SCRG1: variants seen among roughly 807,000 people sequenced by gnomAD.
The protein encoded by SCRG1 is scrapie-responsive protein 1.
Under a neutral mutation model 7.7 loss-of-function variants are expected in SCRG1, and 3 were observed. The ratio of observed to expected loss-of-function variants is 0.39; its 90% CI spans 0.18 to 1.01. The LOEUF (loss-of-function observed/expected upper bound fraction) is 1.01. Among genes scored for constraint, SCRG1 ranks in the 50% least tolerant of loss-of-function variants. The probability of loss-of-function intolerance (pLI) is 0.36; values close to 1 mark genes in which losing one functional copy is unlikely to be tolerated. For missense variants in SCRG1, 110 were observed against 117.2 expected, an observed-to-expected ratio of 0.94 and a Z score of 0.28; for synonymous variants, 46 against 41.2, an observed-to-expected ratio of 1.12 and a Z score of -0.44.
At chr4:173,393,859 A>G (rs929714976) in intron 1 of SCRG1, among the ~76,000 whole-genome samples, 3 of 151,950 alleles carry the variant, frequency 2.0e-5, no homozygotes, top group African/African-American at 7.2e-5. Context: ...CCCTTTCATC[A>G]TTATACTTTC....
chr4:173,477,925 T>C, the SCRG1 span, among the ~76,000 whole-genome samples: 3 of 151,974 alleles, frequency 2.0e-5, no homozygotes, highest in Admixed American at 2.0e-4. Context: ...TGCACCACCA[T>C]ACCCAGGTAA....
At chr4:173,505,145 C>G in the SCRG1 span, among the ~76,000 whole-genome samples, 1 of 152,162 alleles carries the variant, frequency 6.6e-6, no homozygotes, top group Non-Finnish European at 1.5e-5. The surrounding 1 kb of genome is among the most constrained non-coding windows in gnomAD (Gnocchi z 4.4). Context: ...GAATTGCCCC[C>G]TTCACCAGAG....
At chr4:173,452,143 G>A in the SCRG1 span, among the ~76,000 whole-genome samples, 1 of 151,066 alleles carries the variant, frequency 6.6e-6, no homozygotes. Flanking sequence ...GGCTGAGGCG[G>A]GAGAATTGAT....
At chr4:173,486,067 C>A in the SCRG1 span, among the ~76,000 whole-genome samples, 1 of 152,186 alleles carries the variant, frequency 6.6e-6, no homozygotes, top group African/African-American at 2.4e-5. Flanking sequence ...TGCATTCAAA[C>A]TGCATTTTAA....
the SCRG1 span, chr4:173,469,246 AG>A: frequency 6.6e-6 from 1 of 152,220 alleles, no homozygotes; most frequent in African/African-American, 2.4e-5. Context: ...AGAGGGGCAA[AG>A]CAATTTTTCC....
chr4:173,518,928 C>T, the SCRG1 span, among the ~76,000 whole-genome samples: 2 of 151,540 alleles, frequency 1.3e-5, no homozygotes, highest in African/African-American at 4.9e-5. Flanking sequence ...CCCGGCTTCC[C>T]GAGATACGCT....
At chr4:173,430,464 AC>A in the SCRG1 span, among the ~76,000 whole-genome samples, 117 of 152,250 alleles carry the variant, frequency 7.7e-4, no homozygotes, top group Non-Finnish European at 1.3e-3. Context: ...GTAATGTGCC[AC>A]CCAACATGAA....
chr4:173,511,953 T>A, the SCRG1 span, among the ~76,000 whole-genome samples: 20 of 152,252 alleles, frequency 1.3e-4, no homozygotes, highest in East Asian at 3.1e-3. The surrounding 1 kb of genome is among the most constrained non-coding windows in gnomAD (Gnocchi z 5.2). Flanking sequence ...CTGAATACGG[T>A]GCTGTCCAAG....
upstream of SCRG1, chr4:173,399,320 C>T (rs1176220758): frequency 1.3e-5 from 2 of 152,186 alleles, no homozygotes; most frequent in African/African-American, 4.8e-5. Flanking sequence ...TTGTTCCAAA[C>T]CAGGCGAGAA....
the SCRG1 span, among the ~76,000 whole-genome samples, chr4:173,500,669 G>A: frequency 6.6e-6 from 1 of 152,088 alleles, no homozygotes; most frequent in Admixed American, 6.5e-5. Flanking sequence ...ATTTTTTGTA[G>A]AGATGGGGTT....
the SCRG1 span, among the ~76,000 whole-genome samples, chr4:173,499,587 C>G: frequency 6.6e-6 from 1 of 152,202 alleles, no homozygotes; most frequent in African/African-American, 2.4e-5. This position sits in a 1 kb window ranked among gnomAD's most constrained non-coding sequence, Gnocchi z 4.1. Flanking sequence ...AGGGTCTCCC[C>G]CACCCACTAC....
At chr4:173,413,896 A>C in the SCRG1 span, among the ~76,000 whole-genome samples, 50 of 152,266 alleles carry the variant, frequency 3.3e-4, 1 homozygote, top group Admixed American at 1.8e-3. Context: ...TGCACCCCTT[A>C]AGGTTATGCA....
chr4:173,470,206 G>A, the SCRG1 span, among the ~76,000 whole-genome samples: 3 of 143,680 alleles, frequency 2.1e-5, no homozygotes, highest in Non-Finnish European at 4.5e-5. Flanking sequence ...TCATTGGTAA[G>A]CATCTCAATA....
chr4:173,401,866 C>T (rs1739770149), upstream of SCRG1, among the ~76,000 whole-genome samples: 1 of 152,216 alleles, frequency 6.6e-6, no homozygotes, highest in Non-Finnish European at 1.5e-5. Flanking sequence ...CTTATAATTG[C>T]TTGTCATTCA....
the SCRG1 span, among the ~76,000 whole-genome samples, chr4:173,489,583 T>A: frequency 6.6e-6 from 1 of 152,142 alleles, no homozygotes; most frequent in Admixed American, 6.5e-5. Context: ...GATTTCATCC[T>A]AAAATAGTAG....
chr4:173,419,498 T>C, the SCRG1 span: 7 of 777,326 alleles, frequency 9.0e-6, no homozygotes, highest in Non-Finnish European at 1.5e-5. Flanking sequence ...ATTTTCATCT[T>C]CTTCTATTAA....
chr4:173,443,533 A>G, the SCRG1 span, among the ~76,000 whole-genome samples: 1 of 152,196 alleles, frequency 6.6e-6, no homozygotes. Context: ...CTCATGAAAC[A>G]TTTTGGGGGA....
At chr4:173,438,904 C>A in the SCRG1 span, among the ~76,000 whole-genome samples, 2 of 151,952 alleles carry the variant, frequency 1.3e-5, no homozygotes, top group Admixed American at 6.6e-5. Context: ...TGGCTGTTCA[C>A]CAAACTGGGT....
chr4:173,443,348 G>A, the SCRG1 span, among the ~76,000 whole-genome samples: 7 of 152,248 alleles, frequency 4.6e-5, no homozygotes, highest in Admixed American at 4.6e-4. Context: ...AATGATTAAG[G>A]TTAAAGAAGA....
Sources: gnomAD v4.1 joint callset for allele counts (sites outside exome capture counted in the v4.1 genomes callset) on GRCh38, gnomAD v4.1.1 for gene constraint, Gnocchi (gnomAD v3.1) non-coding constraint, MANE v1.5 for transcripts, NCBI Gene and HGNC (gene_info 2026-07-23, HGNC 2026-07-21) for gene names.